RFLNA: variants seen among roughly 807,000 people sequenced by gnomAD.
The protein encoded by RFLNA is refilin A.
Under a neutral mutation model 7.8 loss-of-function variants are expected in RFLNA, and 5 were observed. That is an observed-to-expected ratio of 0.64 (90% CI 0.34 to 1.35). The LOEUF is 1.35. Ranked by LOEUF, RFLNA falls within the 40% of genes most tolerant of loss-of-function variation. The pLI, the probability that RFLNA is intolerant of heterozygous loss-of-function variation, is 0.04. For missense variants in RFLNA, 278 were observed against 305.5 expected (o/e 0.91, Z 0.67); for synonymous variants, 141 against 131.3 (o/e 1.07, Z -0.50).
chr12:124,311,018 G>C (rs776848025), intron 1 of RFLNA, among the ~76,000 whole-genome samples: 1 of 152,168 alleles, frequency 6.6e-6, no homozygotes, highest in Non-Finnish European at 1.5e-5. Context: ...GGAAAGACTT[G>C]ATCTTTCACA....
chr12:124,302,840 A>AGGTCAG (rs2034067163), intron 1 of RFLNA, among the ~76,000 whole-genome samples: 1 of 64,902 alleles, frequency 1.5e-5, no homozygotes, highest in Non-Finnish European at 3.5e-5. Flanking sequence ...CCGAGGTCAG[A>AGGTCAG]GGGCCGAGGT....
upstream of RFLNA, among the ~76,000 whole-genome samples, chr12:124,293,987 C>A (rs1226617894): frequency 2.0e-5 from 3 of 152,216 alleles, no homozygotes; most frequent in Non-Finnish European, 4.4e-5. Flanking sequence ...AGACTCACAG[C>A]CTTAGCTTCC....
chr12:124,291,813 G>A (rs373739706), upstream of RFLNA, among the ~76,000 whole-genome samples: 1 of 152,200 alleles, frequency 6.6e-6, no homozygotes, highest in Non-Finnish European at 1.5e-5. Flanking sequence ...CCTGATATGG[G>A]GAGTGCTTGG....
At chr12:124,291,068 C>T (rs1001920772), upstream of RFLNA, among the ~76,000 whole-genome samples, 8 of 152,170 alleles carry the variant, frequency 5.3e-5, no homozygotes, top group African/African-American at 1.4e-4. Flanking sequence ...GGCATGACGA[C>T]CTCAGTCCTC....
chr12:124,292,290 G>A (rs1038771395), upstream of RFLNA, among the ~76,000 whole-genome samples: 11 of 152,136 alleles, frequency 7.2e-5, no homozygotes, highest in African/African-American at 2.7e-4. Context: ...CCTTCCTACA[G>A]CGCTGGGCCT....
intron 1 of RFLNA, among the ~76,000 whole-genome samples, chr12:124,296,081 T>TTTC (rs201643670): frequency 0.058 from 362 of 6,218 alleles, 18 homozygotes; most frequent in Middle Eastern, 0.12. Flanking sequence ...CTTTTCTTTC[T>TTTC]TTCTTTCTTT....
intron 1 of RFLNA, among the ~76,000 whole-genome samples, chr12:124,302,922 C>G (rs551596813): frequency 3.0e-4 from 46 of 151,014 alleles, no homozygotes; most frequent in African/African-American, 1.1e-3. Context: ...ATAAGGACGC[C>G]TCTCCCGCGG....
At chr12:124,294,508 G>A (rs143346481), upstream of RFLNA, among the ~76,000 whole-genome samples, 425 of 152,328 alleles carry the variant, frequency 2.8e-3, 1 homozygote, top group African/African-American at 9.6e-3. Flanking sequence ...AAGACCGGCA[G>A]GACCCTTGTT....
intron 1 of RFLNA, among the ~76,000 whole-genome samples, chr12:124,299,247 G>C (rs2033985009): frequency 6.6e-6 from 1 of 152,262 alleles, no homozygotes; most frequent in African/African-American, 2.4e-5. Flanking sequence ...TGCGGGCAGG[G>C]ACCTGTCTCC....
At chr12:124,290,342 G>A (rs2033801074), upstream of RFLNA, among the ~76,000 whole-genome samples, 1 of 151,562 alleles carries the variant, frequency 6.6e-6, no homozygotes, top group Admixed American at 6.6e-5. This position sits in a 1 kb window ranked among gnomAD's most constrained non-coding sequence, Gnocchi z 4.0. Flanking sequence ...TTGCATATGT[G>A]TGTGCATATG....
At chr12:124,296,106 T>TTC (rs1370657327) in intron 1 of RFLNA, among the ~76,000 whole-genome samples, 1 of 4,018 alleles carries the variant, frequency 2.5e-4, no homozygotes, top group South Asian at 0.083. Flanking sequence ...CTTTCTTTCT[T>TTC]TCTTTCTTTC....
intron 2 of RFLNA, among the ~76,000 whole-genome samples, chr12:124,313,678 CAAA>C (rs11310797): frequency 1.6e-4 from 22 of 139,180 alleles, no homozygotes; most frequent in African/African-American, 2.4e-4. Context: ...GACTCCGTCT[CAAA>C]AAAAAAAAAA....
intron 2 of RFLNA, among the ~76,000 whole-genome samples, chr12:124,313,622 A>G (rs1043423472): frequency 6.6e-6 from 1 of 151,582 alleles, no homozygotes; most frequent in Non-Finnish European, 1.5e-5. Flanking sequence ...GAGCTTGCAG[A>G]GAGCCGAGAT....
At chr12:124,302,987 G>C (rs982198816) in intron 1 of RFLNA, among the ~76,000 whole-genome samples, 2 of 152,106 alleles carry the variant, frequency 1.3e-5, no homozygotes, top group Non-Finnish European at 2.9e-5. Context: ...AACGGGGGAG[G>C]GGGGGCTCTG....
At chr12:124,295,993 T>C (rs2033901679) in intron 1 of RFLNA, among the ~76,000 whole-genome samples, 1 of 151,668 alleles carries the variant, frequency 6.6e-6, no homozygotes, top group Non-Finnish European at 1.5e-5. Flanking sequence ...AGGCCCAGCA[T>C]GTTGCAGACA....
In RFLNA at chr12:124,303,887, G is replaced by C. The variant is rs187315499; in HGVS notation, c.208-7931G>C. 7.5e-4 allele frequency among the ~76,000 whole-genome samples: 114 copies of C among 152,320 alleles called. 1 individual carries two copies. Among genetic ancestry groups the C allele is most frequent in the Non-Finnish European group, 1.0e-3 (68 of 68,026 alleles). On this transcript the variant is annotated intron_variant, in intron 1 of 2. Coordinates refer to ENST00000546355, the MANE Select transcript of RFLNA (RefSeq NM_001365156.1). ...GAGCGGGCCTGTCTGGGGGCTTCCC[G>C]TGCCCAAGGTGGCCGCATGGCCAGG... is the stretch of plus-strand genomic sequence containing the variant.
At chr12:124,296,928 C>T (rs906220379) in intron 1 of RFLNA, among the ~76,000 whole-genome samples, 1 of 152,204 alleles carries the variant, frequency 6.6e-6, no homozygotes, top group African/African-American at 2.4e-5. Flanking sequence ...ACTTTGGTCT[C>T]TTTATGGGAG....
upstream of RFLNA, among the ~76,000 whole-genome samples, chr12:124,293,923 A>G (rs2033859951): frequency 6.6e-6 from 1 of 152,158 alleles, no homozygotes; most frequent in Admixed American, 6.5e-5. Context: ...CCAAAGCCTT[A>G]AGTTGTCCCT....
chr12:124,300,592 A>C (rs1566322660), intron 1 of RFLNA, among the ~76,000 whole-genome samples: 1 of 151,674 alleles, frequency 6.6e-6, no homozygotes, highest in Non-Finnish European at 1.5e-5. Flanking sequence ...GGATAGATAG[A>C]TGGATGGATG....
Sources: allele counts gnomAD v4.1 joint callset (sites outside exome capture counted in the v4.1 genomes callset), GRCh38; gene constraint gnomAD v4.1.1; non-coding constraint Gnocchi (gnomAD v3.1); transcripts MANE v1.5; gene names NCBI Gene and HGNC (gene_info 2026-07-23, HGNC 2026-07-21).